KPNB1: variants seen among roughly 807,000 people sequenced by gnomAD.
KPNB1 encodes karyopherin subunit beta 1.
Under a neutral mutation model 113.0 loss-of-function variants are expected in KPNB1, and 7 were observed. The ratio of observed to expected loss-of-function variants is 0.06; its 90% confidence interval spans 0.04 to 0.12. KPNB1 has a LOEUF of 0.12. Among genes scored for constraint, KPNB1 ranks in the 10% least tolerant of loss-of-function variants. The probability of loss-of-function intolerance (pLI) is 1.00; values close to 1 mark genes in which losing one functional copy is unlikely to be tolerated. For missense variants in KPNB1, 400 were observed against 1,054.8 expected (o/e 0.38, Z 8.60); for synonymous variants, 363 against 378.6 (o/e 0.96, Z 0.48).
At chr17:47,658,396 AT>A (rs1286763801) in intron 4 of KPNB1, 111 bp from the exon 5 acceptor site, 81 of 1,195,158 alleles carry the variant, frequency 6.8e-5, no homozygotes, top group South Asian at 7.6e-5. Context: ...GCAACCATCC[AT>A]TTTTTTTCCT....
intron 3 of KPNB1, 31 bp downstream of exon 3, chr17:47,652,907 G>C: frequency 6.7e-7 from 1 of 1,489,658 alleles, no homozygotes; most frequent in Middle Eastern, 1.8e-4. Context: ...TGGTTATATT[G>C]CCCAGAGAAC....
In KPNB1 at chr17:47,678,041, G is replaced by C; in HGVS notation, c.2104-5G>C. ...TAATTCACTTTTCCTTTTGTTCCTT[G>C]TCAGAATGAGAACGTCCACAGGTCT... On this transcript the variant is annotated splice_region_variant and splice_polypyrimidine_tract_variant and intron_variant, in intron 17 of 21. Coordinates refer to ENST00000290158, the MANE Select transcript of KPNB1 (RefSeq NM_002265.6). 6.2e-7 allele frequency: 1 copy of C among 1,610,890 alleles called. No homozygotes were observed. Among genetic ancestry groups the C allele is most frequent in the South Asian group, 1.1e-5 (1 of 90,160 alleles).
rs1173856786 is a variant in KPNB1, at chr17:47,650,204, C to A, written c.-41C>A. The A allele has an allele frequency of 1.4e-6, 2 of 1,415,960 alleles. No individual in the cohort carries two copies. The highest frequency in any genetic ancestry group is 1.9e-6 in the Non-Finnish European group (2 of 1,071,222). The allele number at this position is 1,415,960 out of a possible 1,614,324, so 87.7% of individuals were successfully genotyped here. ...TCGAGCCGCCGCCCGAAAGGCCGGG[C>A]CGTCGTCTTAGGAGGAGTCGCCGCC... On this transcript the variant is annotated 5_prime_UTR_variant, in exon 1 of 22. Coordinates refer to ENST00000290158, the MANE Select transcript of KPNB1 (RefSeq NM_002265.6).
chr17:47,665,269 G>T, intron 9 of KPNB1, 111 bp downstream of exon 9: 1 of 803,788 alleles, frequency 1.2e-6, no homozygotes, highest in Non-Finnish European at 2.1e-6. Flanking sequence ...TTGATGTTCT[G>T]TTGTTGATGA....
chr17:47,668,311 C>T lies in KPNB1; in HGVS notation c.1125C>T (p.Ile375=), dbSNP rs1391725315. 5 of 1,614,026 alleles carry T rather than the reference C, an allele frequency of 3.1e-6. No homozygotes were observed. The highest frequency in any genetic ancestry group is 4.2e-6 in the Non-Finnish European group (5 of 1,180,042). The change falls in exon 10 of 22, where the codon ATC becomes ATT. Residue 375 remains isoleucine (I), a synonymous_variant. Transcript: ENST00000290158. Reference sequence around the variant, plus strand: ...TCCTCCCCTTCATTAAAGAACACATCAAGAACCCAGATTGGCGGTACCGGG... The same window carrying T: ...TCCTCCCCTTCATTAAAGAACACATTAAGAACCCAGATTGGCGGTACCGGG... ...PHVLPFIKEH[I]KNPDWRYRDA... is the part of the protein sequence containing the mutation.
intron 18 of KPNB1, 27 bp from the exon 19 acceptor site, chr17:47,678,281 G>A (rs774914125): frequency 7.5e-6 from 12 of 1,609,356 alleles, no homozygotes; most frequent in South Asian, 1.1e-5. Flanking sequence ...TCAGTGTGAT[G>A]TAGGTTCTGT....
chr17:47,665,340 G>A (rs1369596163), intron 9 of KPNB1, among the ~76,000 whole-genome samples, 182 bp downstream of exon 9: 1 of 152,198 alleles, frequency 6.6e-6, no homozygotes, highest in Admixed American at 6.5e-5. Flanking sequence ...TTGTGAAGGA[G>A]AACTGAGTCT....
chr17:47,680,788 C>A, intron 21 of KPNB1, 119 bp downstream of exon 21: 1 of 991,774 alleles, frequency 1.0e-6, no homozygotes, highest in South Asian at 1.7e-5. Flanking sequence ...TACTTTTTCC[C>A]ATGTAGGTGC....
chr17:47,658,019 G>T (rs2029959077), intron 4 of KPNB1, among the ~76,000 whole-genome samples: 1 of 152,068 alleles, frequency 6.6e-6, no homozygotes, highest in Non-Finnish European at 1.5e-5. Flanking sequence ...GAATTTGAGG[G>T]TTCAGTGCAT....
In KPNB1 at chr17:47,652,804, A is replaced by G; in HGVS notation, c.210A>G (p.Pro70=). ...QIKNSLTSKD[P]DIKAQYQQRW... ...AGAACTCTTTGACATCTAAAGATCCAGATATCAAGGCACAATATCAGCAGA... is the reference window on the plus strand; with the variant it reads ...AGAACTCTTTGACATCTAAAGATCCGGATATCAAGGCACAATATCAGCAGA... Residue 70 remains proline, a synonymous_variant, in exon 3 of 22, where the codon CCA becomes CCG. Coordinates refer to ENST00000290158, the MANE Select transcript of KPNB1 (RefSeq NM_002265.6). 6.2e-7 allele frequency: 1 copy of G among 1,612,360 alleles called. No individual in the cohort carries two copies.
chr17:47,652,963 CTAA>C, intron 3 of KPNB1, 87 bp downstream of exon 3: 1 of 987,812 alleles, frequency 1.0e-6, no homozygotes, highest in Non-Finnish European at 1.5e-6. Context: ...TGGGATAGAG[CTAA>C]CAGTGTGATA....
At chr17:47,677,177 A>G (rs1193683810) in intron 17 of KPNB1, 50 bp downstream of exon 17, 5 of 1,356,658 alleles carry the variant, frequency 3.7e-6, no homozygotes, top group South Asian at 3.6e-5. Context: ...GAAGAAAACA[A>G]CAGTTGGAAA....
In KPNB1 at chr17:47,670,861, C is replaced by A. The variant is rs745332946; in HGVS notation, c.1547+29C>A. On this transcript the variant is annotated intron_variant, in intron 12 of 21. Transcript: ENST00000290158. ...ACTGATATTTCACAGAAATGAGTGA[C>A]GTCTTTGCATCCAAGTTCTATTGCC... The A allele has an allele frequency of 7.0e-6, 11 of 1,580,634 alleles. No homozygotes were observed. The Admixed American group carries it at 1.9e-4, about 27-fold the overall frequency.
Position 47,673,266 on chromosome 17 carries a change from A to G in KPNB1, c.1695+101A>G. On this transcript the variant is annotated intron_variant, in intron 13 of 21. Transcript: ENST00000290158. The stretch of plus-strand genomic sequence containing the variant: ...TGTTCTGTCTTTTTAGTGTTTAAGT[A>G]TATATTTTCTCAGAAAGATAATAAA... 7 of 1,180,976 alleles carry G rather than the reference A, an allele frequency of 5.9e-6. No individual in the cohort carries two copies. The South Asian group carries it at 8.7e-5, about 15-fold the overall frequency. 73.2% of individuals were successfully genotyped at this position (1,180,976 alleles called of 1,614,324 possible).
At chr17:47,674,810 G>C in intron 15 of KPNB1, 28 bp downstream of exon 15, 2 of 1,592,584 alleles carry the variant, frequency 1.3e-6, no homozygotes, top group African/African-American at 1.3e-5. Flanking sequence ...TCTGGTCAGG[G>C]AATGTCTTTG....
At chr17:47,662,764 T>A (rs2030145971) in intron 6 of KPNB1, among the ~76,000 whole-genome samples, 1 of 151,766 alleles carries the variant, frequency 6.6e-6, no homozygotes, top group South Asian at 2.1e-4. Context: ...GCACCTGTAG[T>A]CCCAGCTACT....
At chr17:47,672,979 T>C (rs759477862) in intron 12 of KPNB1, 39 bp from the exon 13 acceptor site, 16 of 1,587,854 alleles carry the variant, frequency 1.0e-5, no homozygotes, top group Non-Finnish European at 1.3e-5. Flanking sequence ...CCTGTCCTTT[T>C]CATTTGAGGC....
chr17:47,663,421 T>A (rs557180986), intron 7 of KPNB1, among the ~76,000 whole-genome samples: 1 of 152,236 alleles, frequency 6.6e-6, no homozygotes, highest in Non-Finnish European at 1.5e-5. Flanking sequence ...CCCAGCACTT[T>A]GGAAGGCTGA....
chr17:47,679,085 ATT>A lies in KPNB1; in HGVS notation c.2353+685_2353+686del, dbSNP rs370136574. ...CAGGCACACACCACCATGCCCAGCT[ATT>A]TTTTTTTTTTTTGTATTTTAGTAGA... is the stretch of plus-strand genomic sequence containing the variant. On this transcript the variant is annotated intron_variant, in intron 19 of 21. Coordinates refer to ENST00000290158, the MANE Select transcript of KPNB1 (RefSeq NM_002265.6). Among the ~76,000 whole-genome samples the A allele has an allele frequency of 1.4e-4, 20 of 138,908 alleles. No individual in the cohort carries two copies. In the East Asian group the frequency reaches 2.1e-3, roughly 14 times the overall value. The allele number at this position is 138,908 out of a possible 152,430, so 91.1% of individuals were successfully genotyped here.
Sources: allele counts gnomAD v4.1 joint callset (sites outside exome capture counted in the v4.1 genomes callset), GRCh38; gene constraint gnomAD v4.1.1; transcripts MANE v1.5; gene names NCBI Gene and HGNC (gene_info 2026-07-23, HGNC 2026-07-21).